The following MCF2L variants were observed in gnomAD, a reference collection of about 807,000 sequenced individuals.
The protein encoded by MCF2L is guanine nucleotide exchange factor DBS.
Under a neutral mutation model 153.4 loss-of-function variants are expected in MCF2L, and 97 were observed. The ratio of observed to expected loss-of-function variants is 0.63; its 90% CI spans 0.54 to 0.75. MCF2L has a LOEUF of 0.75. Ranked by LOEUF, MCF2L falls within the 30% of genes least tolerant of loss-of-function variation. The pLI is 0.00. For missense variants in MCF2L, 1,347 were observed against 1,495.2 expected (o/e 0.90, Z 1.64); for synonymous variants, 659 against 632.2 (o/e 1.04, Z -0.64).
rs910520138 is a variant in MCF2L, at chr13:113,027,673, G to A, written c.278+2915G>A. Among the ~76,000 whole-genome samples the A allele has an allele frequency of 6.6e-6, 1 of 152,218 alleles. No homozygotes were observed. Among genetic ancestry groups the A allele is most frequent in the Non-Finnish European group, 1.5e-5 (1 of 68,026 alleles). ...GGGCTGATGGGACCGGCTTGGTGGG[G>A]CAAGGCTGCGATGCTGCAGACGGTT... On this transcript the variant is annotated intron_variant, in intron 3 of 29. Transcript: ENST00000535094. This position sits in a 1 kb window ranked among gnomAD's most constrained non-coding sequence, Gnocchi z 4.8.
chr13:112,934,746 A>G (rs1231438519), intron 2 of MCF2L, among the ~76,000 whole-genome samples: 1 of 152,146 alleles, frequency 6.6e-6, no homozygotes, highest in Non-Finnish European at 1.5e-5. Flanking sequence ...TTCCACAGGC[A>G]GGTGGAAGGT....
intron 4 of MCF2L, among the ~76,000 whole-genome samples, chr13:113,050,336 G>A (rs1290527487): frequency 6.6e-6 from 1 of 151,410 alleles, no homozygotes; most frequent in African/African-American, 2.4e-5. Context: ...TCACATTTTG[G>A]GAATTTGTAA....
At chr13:113,016,826 G>A (rs978072752) in intron 2 of MCF2L, among the ~76,000 whole-genome samples, 1 of 152,200 alleles carries the variant, frequency 6.6e-6, no homozygotes, top group East Asian at 1.9e-4. Flanking sequence ...CCTCGCCTGC[G>A]CTCTGCTCCG....
intron 1 of MCF2L, among the ~76,000 whole-genome samples, chr13:112,975,246 G>A (rs1405391926): frequency 6.6e-6 from 1 of 152,240 alleles, no homozygotes; most frequent in African/African-American, 2.4e-5. Context: ...AAGTACTGAA[G>A]TTAGAATGTC....
intron 27 of MCF2L, 107 bp from the exon 28 acceptor site, chr13:113,096,261 GAGC>G (rs1164317109): frequency 1.2e-6 from 1 of 819,924 alleles, no homozygotes; most frequent in Admixed American, 2.3e-5. Context: ...TCGTGGCCAG[GAGC>G]TCCCACCGGG....
At chr13:113,026,774 T>A in intron 3 of MCF2L, 1 of 600,106 alleles carries the variant, frequency 1.7e-6, no homozygotes, top group South Asian at 2.0e-5. Flanking sequence ...TTAACAAAAA[T>A]GGTTCCCTCA....
At chr13:113,075,832 A>C (rs2033414377) in intron 11 of MCF2L, 134 bp from the exon 12 acceptor site, 1 of 659,816 alleles carries the variant, frequency 1.5e-6, no homozygotes, top group Non-Finnish European at 2.5e-6. Context: ...GGTGCTTTGG[A>C]CAGGGTGGCG....
intron 3 of MCF2L, among the ~76,000 whole-genome samples, chr13:113,041,484 G>A (rs549424245): frequency 3.3e-5 from 5 of 152,048 alleles, no homozygotes; most frequent in African/African-American, 1.2e-4. Flanking sequence ...CAGTCAGTAT[G>A]GGGGATCACG....
intron 3 of MCF2L, among the ~76,000 whole-genome samples, chr13:113,033,395 ATGTGAGTGGACCCCGTGG>A (rs1566773555): frequency 0.045 from 3,327 of 74,130 alleles, 1 homozygote; most frequent in Non-Finnish European, 0.058. Flanking sequence ...GGCCCCCGTG[ATGTGAGTGGACCCCGTGG>A]CGTGAGTGGC....
At chr13:112,931,765 C>T (rs1209881488) in intron 2 of MCF2L, among the ~76,000 whole-genome samples, 1 of 152,048 alleles carries the variant, frequency 6.6e-6, no homozygotes, top group East Asian at 1.9e-4. Context: ...CTTACAGTGA[C>T]AGAAAGGGAG....
At position 112,951,813 on chromosome 13, in the gene MCF2L, C is replaced by T. The variant is rs547411274; in HGVS notation, c.169+49442C>T. 4.1e-4 allele frequency among the ~76,000 whole-genome samples: 62 copies of T among 152,258 alleles called. 1 individual carries two copies. In the South Asian group the frequency reaches 0.011, roughly 28 times the overall value. On this transcript the variant is annotated intron_variant, in intron 2 of 29. Coordinates refer to the MCF2L transcript ENST00000375608. This position sits in a 1 kb window ranked among gnomAD's most constrained non-coding sequence, Gnocchi z 4.8. ...GCAGGATGCTACCCCTGGAGGAAAA[C>T]GGTACACAAGACCTCTGTTTACTGT...
chr13:113,006,377 C>T (rs1214989762), intron 1 of MCF2L, among the ~76,000 whole-genome samples: 2 of 152,200 alleles, frequency 1.3e-5, no homozygotes, highest in Non-Finnish European at 2.9e-5. Context: ...CGCGAGGACT[C>T]ACTCAATGCA....
intron 2 of MCF2L, among the ~76,000 whole-genome samples, chr13:112,922,853 A>C (rs1474468128): frequency 6.6e-6 from 1 of 152,186 alleles, no homozygotes; most frequent in Non-Finnish European, 1.5e-5. Context: ...AACAAACAAA[A>C]ACCATCGTGA....
chr13:112,953,310 G>T (rs896982828), intron 2 of MCF2L, among the ~76,000 whole-genome samples: 1 of 152,152 alleles, frequency 6.6e-6, no homozygotes, highest in African/African-American at 2.4e-5. Context: ...ATGGACAAAG[G>T]GTGGGTGGGG....
At chr13:113,055,934 G>C (rs1282712052) in intron 4 of MCF2L, among the ~76,000 whole-genome samples, 4 of 152,190 alleles carry the variant, frequency 2.6e-5, no homozygotes, top group Admixed American at 2.6e-4. Context: ...GAGAGCAGCG[G>C]AGACAGGAGA....
intron 8 of MCF2L, among the ~76,000 whole-genome samples, chr13:113,066,813 G>A (rs2032441363): frequency 6.6e-6 from 1 of 152,162 alleles, no homozygotes; most frequent in Non-Finnish European, 1.5e-5. Context: ...TGAGGAGCAG[G>A]GCCCGCACAG....
Position 113,028,964 on chromosome 13 carries a change from T to G in MCF2L, c.278+4206T>G, listed in dbSNP as rs1224666467. ...GTATGTGTGGACTATGTGAGGCATG[T>G]GTGGGGTGAGTGTGGGGTGTGGTGT... is the stretch of plus-strand genomic sequence containing the variant. On this transcript the variant is annotated intron_variant, in intron 3 of 29. Transcript: ENST00000535094. This position sits in a 1 kb window ranked among gnomAD's most constrained non-coding sequence, Gnocchi z 5.4. 1.3e-5 allele frequency among the ~76,000 whole-genome samples: 2 copies of G among 150,856 alleles called. No homozygotes were observed. The highest frequency in any genetic ancestry group is 3.0e-5 in the Non-Finnish European group (2 of 67,716).
intron 1 of MCF2L, among the ~76,000 whole-genome samples, chr13:112,901,681 G>A (rs1026591404): frequency 2.6e-5 from 4 of 152,196 alleles, no homozygotes; most frequent in African/African-American, 7.2e-5. Flanking sequence ...CAAAAACTTC[G>A]TGTAAGTTTC....
chr13:113,065,765 T>A (rs1022632918), intron 7 of MCF2L, among the ~76,000 whole-genome samples: 2 of 152,160 alleles, frequency 1.3e-5, no homozygotes, highest in Non-Finnish European at 2.9e-5. Flanking sequence ...GCAGGCACCA[T>A]GAGAAAGCCT....
Sources: gnomAD v4.1 joint callset for allele counts (sites outside exome capture counted in the v4.1 genomes callset) on GRCh38, gnomAD v4.1.1 for gene constraint, Gnocchi (gnomAD v3.1) non-coding constraint, MANE v1.5 for transcripts, NCBI Gene and HGNC (gene_info 2026-07-23, HGNC 2026-07-21) for gene names.